Variants in KIAA1549 observed in about 807,000 individuals in gnomAD.
KIAA1549 encodes KIAA1549.
A neutral mutation model predicts 156.4 loss-of-function variants in KIAA1549; 70 were observed. The observed-to-expected ratio is 0.45, with a 90% CI of 0.37 to 0.55. The LOEUF is 0.55. Ranked by LOEUF, KIAA1549 falls within the 20% of genes least tolerant of loss-of-function variation. The pLI, the probability that KIAA1549 is intolerant of heterozygous loss-of-function variation, is 0.00. For synonymous variants in KIAA1549, 1,103 were observed against 1,066.4 expected (o/e 1.03, Z -0.67); for missense variants, 2,428 against 2,540.9 (o/e 0.96, Z 0.96).
chr7:138,860,387 C>A (rs1467702158), intron 16 of KIAA1549, among the ~76,000 whole-genome samples: 1 of 152,174 alleles, frequency 6.6e-6, no homozygotes, highest in Non-Finnish European at 1.5e-5. Context: ...TCTATTGCCA[C>A]CCAATTTCAT....
intron 4 of KIAA1549, among the ~76,000 whole-genome samples, chr7:138,910,699 A>T (rs1257346670): frequency 9.0e-6 from 1 of 110,520 alleles, no homozygotes; most frequent in African/African-American, 4.3e-5. Flanking sequence ...CACTTGGTCT[A>T]ATTTTTTTTT....
chr7:138,869,835 T>C lies in KIAA1549; in HGVS notation c.4552-74A>G, dbSNP rs1032550064. The C allele has an allele frequency of 6.5e-5, 64 of 991,298 alleles. No individual in the cohort carries two copies. In the South Asian group the frequency reaches 8.8e-4, roughly 14 times the overall value. 61.4% of individuals were successfully genotyped at this position (991,298 alleles called of 1,614,324 possible). On this transcript the variant is annotated intron_variant, in intron 13 of 19. Transcript: ENST00000422774. ...CTTCTGGGACACACACTTCGCAAAG[T>C]CTTTATTTATTTTTATGTTTATTTA...
intron 1 of KIAA1549, among the ~76,000 whole-genome samples, chr7:138,932,847 A>C (rs1812909846): frequency 1.3e-5 from 2 of 152,192 alleles, no homozygotes; most frequent in Admixed American, 1.3e-4. Context: ...AAGTTTCAGA[A>C]GCACTAGCCT....
chr7:138,839,719 T>C (rs978518715), intron 19 of KIAA1549, among the ~76,000 whole-genome samples: 1 of 150,788 alleles, frequency 6.6e-6, no homozygotes, highest in Non-Finnish European at 1.5e-5. Context: ...CTTTTTTAAA[T>C]GTAGGTTTTA....
intron 1 of KIAA1549, among the ~76,000 whole-genome samples, chr7:138,970,626 G>A (rs937693857): frequency 1.5e-4 from 23 of 152,184 alleles, no homozygotes; most frequent in African/African-American, 5.1e-4. Flanking sequence ...CAGTAGGCCC[G>A]GGGTGGGGTC....
intron 16 of KIAA1549, among the ~76,000 whole-genome samples, chr7:138,859,240 C>T (rs1810485117): frequency 6.6e-6 from 1 of 152,040 alleles, no homozygotes; most frequent in South Asian, 2.1e-4. Context: ...CTAGAGGGAG[C>T]AGTTCTATTG....
At chr7:138,937,488 C>G (rs1813050773) in intron 1 of KIAA1549, among the ~76,000 whole-genome samples, 1 of 152,152 alleles carries the variant, frequency 6.6e-6, no homozygotes, top group South Asian at 2.1e-4. Context: ...GAAAGGTCCC[C>G]TGCTCACAAC....
intron 1 of KIAA1549, among the ~76,000 whole-genome samples, chr7:138,949,242 C>A (rs1341985337): frequency 6.6e-6 from 1 of 152,068 alleles, no homozygotes; most frequent in Non-Finnish European, 1.5e-5. Flanking sequence ...GCAGTCATTA[C>A]CCTCATCTAC....
intron 12 of KIAA1549, among the ~76,000 whole-genome samples, chr7:138,872,117 T>C (rs112056022): frequency 6.2e-4 from 95 of 152,316 alleles, no homozygotes; most frequent in African/African-American, 2.3e-3. Flanking sequence ...ACTTTTGTAT[T>C]AATACTTTTA....
At chr7:138,925,180 A>C (rs1376298924) in intron 1 of KIAA1549, among the ~76,000 whole-genome samples, 1 of 152,218 alleles carries the variant, frequency 6.6e-6, no homozygotes. Flanking sequence ...TACAGTAGTG[A>C]GGAAGATGCC....
Position 138,881,429 on chromosome 7 carries a change from G to C in KIAA1549, c.4188C>G (p.Pro1396=), listed in dbSNP as rs1214208347. 1 of 1,614,004 alleles carries C rather than the reference G, an allele frequency of 6.2e-7. No homozygotes were observed. Among genetic ancestry groups the C allele is most frequent in the South Asian group, 1.1e-5 (1 of 91,064 alleles). ...TPSENGDVPS[P]KSKIPSKNVR... ...CATTCTTGGAAGGGATCTTTGACTT[G>C]GGGCTTGGCACGTCTCCATTTTCCG... The change falls in exon 11 of 20, where the codon CCC becomes CCG. Residue 1396 remains proline (P), a synonymous_variant. Transcript: ENST00000422774.
At chr7:138,909,657 C>G (rs1812111765) in intron 4 of KIAA1549, among the ~76,000 whole-genome samples, 1 of 152,166 alleles carries the variant, frequency 6.6e-6, no homozygotes, top group Non-Finnish European at 1.5e-5. Context: ...TTAGAAATTA[C>G]TGTTAACAGC....
At chr7:138,955,315 A>G (rs1278936220) in intron 1 of KIAA1549, among the ~76,000 whole-genome samples, 1 of 152,346 alleles carries the variant, frequency 6.6e-6, no homozygotes, top group Middle Eastern at 3.4e-3. Context: ...CTCAAAAAGG[A>G]AGGAAATTCT....
chr7:138,896,520 AG>A (rs1185162318), intron 9 of KIAA1549, among the ~76,000 whole-genome samples: 4 of 152,134 alleles, frequency 2.6e-5, no homozygotes, highest in Non-Finnish European at 4.4e-5. Flanking sequence ...CGGACAATAT[AG>A]AAGTACGGAC....
chr7:138,936,144 A>G (rs1046764556), intron 1 of KIAA1549, among the ~76,000 whole-genome samples: 25 of 152,210 alleles, frequency 1.6e-4, no homozygotes, highest in Admixed American at 4.6e-4. Flanking sequence ...AAGGGAACAG[A>G]AAAGAAGTTC....
At chr7:138,935,667 G>A (rs1190967924) in intron 1 of KIAA1549, among the ~76,000 whole-genome samples, 1 of 152,188 alleles carries the variant, frequency 6.6e-6, no homozygotes, top group Non-Finnish European at 1.5e-5. Flanking sequence ...AACAGCAGGA[G>A]CCAGCAGCAA....
At chr7:138,863,930 T>C (rs902156702) in intron 15 of KIAA1549, among the ~76,000 whole-genome samples, 8 of 152,312 alleles carry the variant, frequency 5.3e-5, no homozygotes, top group Non-Finnish European at 7.3e-5. Context: ...AAGGAACCTG[T>C]GCTCCTTTCC....
chr7:138,855,348 T>C (rs1161229397), intron 16 of KIAA1549, among the ~76,000 whole-genome samples: 2 of 152,040 alleles, frequency 1.3e-5, no homozygotes, highest in Non-Finnish European at 2.9e-5. Flanking sequence ...GTGAACCACA[T>C]TTTACCTATC....
chr7:138,953,981 T>C (rs893842713), intron 1 of KIAA1549, among the ~76,000 whole-genome samples: 3 of 152,228 alleles, frequency 2.0e-5, no homozygotes, highest in South Asian at 4.1e-4. Flanking sequence ...ACACTGTTGA[T>C]GGTATCTTAG....
Sources: allele counts gnomAD v4.1 joint callset (sites outside exome capture counted in the v4.1 genomes callset), GRCh38; gene constraint gnomAD v4.1.1; transcripts MANE v1.5; gene names NCBI Gene and HGNC (gene_info 2026-07-23, HGNC 2026-07-21).